CBARP: variants seen among roughly 807,000 people sequenced by gnomAD.
The protein encoded by CBARP is voltage-dependent calcium channel beta subunit-associated regulatory protein.
In CBARP, 24 loss-of-function variants were observed where a neutral mutation model predicts 36.3. The ratio of observed to expected loss-of-function variants is 0.66; its 90% CI spans 0.48 to 0.93. The LOEUF (loss-of-function observed/expected upper bound fraction) is 0.93, where lower values mean the gene tolerates loss of function less well. Among genes scored for constraint, CBARP ranks in the 40% least tolerant of loss-of-function variants. The pLI, the probability that CBARP is intolerant of heterozygous loss-of-function variation, is 0.00. For missense variants in CBARP, 1,146 were observed against 980.4 expected (o/e 1.17, Z -2.26); for synonymous variants, 586 against 453.2 (o/e 1.29, Z -3.72).
rs553198052 is a variant in CBARP, at chr19:1,235,930, C to T, written c.106-12G>A. ...GGGTCTGGCTCTGCCTGCGGGTGTG[C>T]AGGGGGGGTCAGGTGCTGCTGGCCT... is the stretch of plus-strand genomic sequence containing the variant. On this transcript the variant is annotated splice_polypyrimidine_tract_variant and intron_variant, in intron 2 of 9. Transcript: ENST00000650044. 1.0e-5 allele frequency: 16 copies of T among 1,604,750 alleles called. 1 individual carries two copies. The South Asian group carries it at 1.8e-4, about 18-fold the overall frequency.
intron 9 of CBARP, 199 bp from the exon 10 acceptor site, chr19:1,230,341 G>C: frequency 1.0e-6 from 1 of 986,590 alleles, no homozygotes. Flanking sequence ...TGTGGCGCCT[G>C]CTTATTAAGC....
chr19:1,234,519 C>A, intron 6 of CBARP, 52 bp downstream of exon 6: 1 of 1,537,810 alleles, frequency 6.5e-7, no homozygotes, highest in Non-Finnish European at 8.8e-7. Flanking sequence ...CGGGAGTCCC[C>A]GGGGCTGCCT....
intron 5 of CBARP, 110 bp from the exon 6 acceptor site, chr19:1,234,852 G>A: frequency 6.6e-7 from 1 of 1,512,308 alleles, no homozygotes; most frequent in Non-Finnish European, 8.9e-7. Flanking sequence ...GCGAAAGGGG[G>A]GCAACTGGCC....
chr19:1,234,164 C>G (rs989912497), intron 7 of CBARP, 27 bp downstream of exon 7: 1 of 1,490,800 alleles, frequency 6.7e-7, no homozygotes, highest in Non-Finnish European at 8.9e-7. Context: ...GCTGTGGACA[C>G]CATGGGGGAC....
chr19:1,231,003 C>T lies in CBARP; in HGVS notation c.1154+98G>A, dbSNP rs1432185499. ...CTGGAGGCAGGCGAGCGCGTGTCCA[C>T]GGGGCCTGGAGAGCGCTCCCTGGGC... On this transcript the variant is annotated intron_variant, in intron 9 of 9. Coordinates refer to ENST00000650044, the MANE Select transcript of CBARP (RefSeq NM_001393918.1). 5 of 1,546,808 alleles carry T rather than the reference C, an allele frequency of 3.2e-6. No homozygotes were observed. The East Asian group carries it at 9.1e-5, about 28-fold the overall frequency.
At chr19:1,234,114 G>C (rs2080929549) in intron 7 of CBARP, 77 bp downstream of exon 7, 2 of 1,396,646 alleles carry the variant, frequency 1.4e-6, no homozygotes, top group Non-Finnish European at 1.9e-6. Flanking sequence ...GGTTGACCTT[G>C]GTCCTGGACT....
Position 1,231,169 on chromosome 19 carries a change from C to T in CBARP, c.1086G>A (p.Arg362=), listed in dbSNP as rs754032618. Reference sequence around the variant, plus strand: ...GCGGGAAGGCCACGGCGTCGCCCGCCCGGGCAATGTACTGGATGAAGTCCT... The same window carrying T: ...GCGGGAAGGCCACGGCGTCGCCCGCTCGGGCAATGTACTGGATGAAGTCCT... ...PQEDFIQYIA[R]AGDAVAFPHP... The change falls in exon 9 of 10, where the codon CGG becomes CGA. Residue 362 remains arginine (R), a synonymous_variant. Coordinates refer to ENST00000650044, the MANE Select transcript of CBARP (RefSeq NM_001393918.1). 2 of 1,600,820 alleles carry T rather than the reference C, an allele frequency of 1.2e-6. No homozygotes were observed. Among genetic ancestry groups the T allele is most frequent in the South Asian group, 2.2e-5 (2 of 90,882 alleles).
chr19:1,232,914 G>A (rs1438814989), intron 8 of CBARP, among the ~76,000 whole-genome samples: 1 of 152,226 alleles, frequency 6.6e-6, no homozygotes, highest in Admixed American at 6.5e-5. Flanking sequence ...CACTTACTTC[G>A]TGTTAGAGGA....
chr19:1,233,373 C>T (rs1269381883), intron 8 of CBARP, 53 bp downstream of exon 8: 7 of 1,492,862 alleles, frequency 4.7e-6, no homozygotes, highest in Non-Finnish European at 6.3e-6. Flanking sequence ...CAGCCCCTGG[C>T]AGCCAGCACC....
Position 1,235,525 on chromosome 19 carries a change from C to A in CBARP, c.286G>T (p.Asp96Tyr). The A allele has an allele frequency of 1.2e-6, 2 of 1,604,442 alleles. No homozygotes were observed. Among genetic ancestry groups the A allele is most frequent in the Admixed American group, 1.7e-5 (1 of 58,224 alleles). The change falls in exon 4 of 10, where the codon GAC becomes TAC. Residue 96 changes from aspartate to tyrosine, a missense_variant. By Grantham distance (160) the Asp-to-Tyr change is radical. Transcript: ENST00000650044. ...EAEKTTTTYLDNGTHPAQDPD... is the reference protein window; with the variant it reads ...EAEKTTTTYLYNGTHPAQDPD... The stretch of plus-strand genomic sequence containing the variant: ...CCTTGGGCTGGGTGGGTGCCGTTGT[C>A]CAGGTAGGTGGTGGTGGTCTTCTCC...
chr19:1,233,594 C>G lies in CBARP; in HGVS notation c.811G>C (p.Ala271Pro). 6.2e-7 allele frequency: 1 copy of G among 1,610,542 alleles called. No individual in the cohort carries two copies. The highest frequency in any genetic ancestry group is 1.3e-5 in the African/African-American group (1 of 75,042). ...CCCGCCTCCCCAGGCCCTGCTGCAG[C>G]CCCGGGCCCTCCAGCCTTGGTGCTC... ...TRSTKAGGPG[A>P]AAGPGEAGPG... The change falls in exon 8 of 10, where the codon GCT (alanine) becomes CCT (proline). Residue 271 changes from alanine (A) to proline (P), a missense_variant. Physicochemically the swap from Ala to Pro is conservative, Grantham distance 27. Coordinates refer to ENST00000650044, the MANE Select transcript of CBARP (RefSeq NM_001393918.1).
chr19:1,231,424 CACAACGTGTGCCCCCCACACAT>C (rs1393560506), intron 8 of CBARP, 149 bp from the exon 9 acceptor site: 2 of 1,199,750 alleles, frequency 1.7e-6, no homozygotes, highest in African/African-American at 3.4e-5. Context: ...ACCACACACA[CACAACGTGTGCCCCCCACACAT>C]ACAACGCCTG....
At chr19:1,235,439 C>A in intron 4 of CBARP, 62 bp downstream of exon 4, 1 of 1,480,560 alleles carries the variant, frequency 6.8e-7, no homozygotes, top group Non-Finnish European at 9.1e-7. Context: ...CCCGAGGGGG[C>A]GGCGGGTGGC....
chr19:1,228,964 AAG>A lies in CBARP; in HGVS notation c.*213_*214del, dbSNP rs2080853332. 2 of 148,332 alleles carry A rather than the reference AAG, an allele frequency of 1.3e-5. 1 individual carries two copies. Among genetic ancestry groups the A allele is most frequent in the South Asian group, 4.1e-4 (2 of 4,834 alleles). The allele number at this position is 148,332 out of a possible 1,614,324, so 9.2% of individuals were successfully genotyped here. On this transcript the variant is annotated 3_prime_UTR_variant, in exon 10 of 10. Coordinates refer to ENST00000650044, the MANE Select transcript of CBARP (RefSeq NM_001393918.1). The stretch of plus-strand genomic sequence containing the variant: ...CGCCCAGCACCCGGCAAGCACCGGA[AAG>A]AGCAGTGCACACTTCGGCGGCGCGA...
Position 1,229,217 on chromosome 19 carries a change from C to T in CBARP, c.2080G>A (p.Ala694Thr). 3 of 1,212,246 alleles carry T rather than the reference C, an allele frequency of 2.5e-6. No individual in the cohort carries two copies. Among genetic ancestry groups the T allele is most frequent in the South Asian group, 1.4e-5 (1 of 72,780 alleles). The allele number at this position is 1,212,246 out of a possible 1,614,324, so 75.1% of individuals were successfully genotyped here. ...EPVVATPALV[A>T]AAPTSPDHSP... ...TGGTCGGGGGACGTGGGGGCGGCGG[C>T]GACCAACGCGGGAGTCGCCACGACG... The change falls in exon 10 of 10, where the codon GCC becomes ACC. Residue 694 changes from alanine to threonine, a missense_variant. By Grantham distance (58) the Ala-to-Thr change is moderately conservative. Coordinates refer to ENST00000650044, the MANE Select transcript of CBARP (RefSeq NM_001393918.1). The surrounding 1 kb of genome is among the most constrained non-coding windows in gnomAD (Gnocchi z 5.1).
chr19:1,237,773 C>A lies in CBARP; in HGVS notation c.-39G>T, dbSNP rs1047879051. On this transcript the variant is annotated 5_prime_UTR_variant, in exon 1 of 10. Transcript: ENST00000650044. ...GCGCCTACCTCAGCGCCGGGACGAG[C>A]GGCCCATGGGCGGCGGGCTGGCGGC... The A allele has an allele frequency of 2.0e-5, 3 of 150,028 alleles. No homozygotes were observed. Among genetic ancestry groups the A allele is most frequent in the African/African-American group, 7.3e-5 (3 of 41,186 alleles). 9.3% of individuals were successfully genotyped at this position (150,028 alleles called of 1,614,324 possible). A position where few individuals can be genotyped will look rare whatever the true frequency, so the allele number is the denominator to read the frequency against.
At position 1,235,847 on chromosome 19, in the gene CBARP, C is replaced by T. The variant is rs760766236; in HGVS notation, c.177G>A (p.Thr59=). 1.2e-5 allele frequency: 20 copies of T among 1,611,710 alleles called. No homozygotes were observed. The highest frequency in any genetic ancestry group is 1.6e-4 in the Middle Eastern group (1 of 6,062). The stretch of plus-strand genomic sequence containing the variant: ...GCAGGACGCCAGACAACACCACCAG[C>T]GTGCCCCCCACGAACAGCGACATCA... The part of the protein sequence containing the change: ...VVVMSLFVGG[T]LVVLSGVLLL... Residue 59 remains threonine, a synonymous_variant, in exon 3 of 10, where the codon ACG becomes ACA. Coordinates refer to ENST00000650044, the MANE Select transcript of CBARP (RefSeq NM_001393918.1).
intron 9 of CBARP, 86 bp downstream of exon 9, chr19:1,231,015 A>C: frequency 3.9e-6 from 6 of 1,547,398 alleles, no homozygotes; most frequent in Non-Finnish European, 5.2e-6. Flanking sequence ...GGGCCTGGAG[A>C]GCGCTCCCTG....
At chr19:1,230,776 G>C (rs1292740736) in intron 9 of CBARP, 1 of 1,383,360 alleles carries the variant, frequency 7.2e-7, no homozygotes, top group East Asian at 2.8e-5. Flanking sequence ...GGGCGGGGCG[G>C]GGGTGGGAGA....
Sources: allele counts gnomAD v4.1 joint callset (sites outside exome capture counted in the v4.1 genomes callset), GRCh38; gene constraint gnomAD v4.1.1; non-coding constraint Gnocchi (gnomAD v3.1); transcripts MANE v1.5; gene names NCBI Gene and HGNC (gene_info 2026-07-23, HGNC 2026-07-21).